DUSP16: variants seen among roughly 807,000 people sequenced by gnomAD.
The protein encoded by DUSP16 is dual specificity phosphatase 16.
Under a neutral mutation model 58.3 loss-of-function variants are expected in DUSP16, and 21 were observed. The observed-to-expected ratio is 0.36, with a 90% CI of 0.26 to 0.52. The LOEUF (loss-of-function observed/expected upper bound fraction) is 0.52, where lower values mean the gene tolerates loss of function less well. Ranked by LOEUF, DUSP16 falls within the 20% of genes least tolerant of loss-of-function variation. The pLI is 0.94. For missense variants in DUSP16, 726 were observed against 819.0 expected, an observed-to-expected ratio of 0.89 and a Z score of 1.39; for synonymous variants, 320 against 323.8, an observed-to-expected ratio of 0.99 and a Z score of 0.12.
At position 12,476,958 on chromosome 12, in the gene DUSP16, G is replaced by A. The variant is rs532656810; in HGVS notation, c.1873C>T (p.Arg625Cys). 3.0e-5 allele frequency: 49 copies of A among 1,614,018 alleles called. No individual in the cohort carries two copies. Among genetic ancestry groups the A allele is most frequent in the Middle Eastern group, 1.6e-4 (1 of 6,084 alleles). The part of the protein sequence containing the change: ...EESPFEKQFK[R>C]RSCQMEFGES... ...CCAAATTCCATTTGGCAGCTTCTGC[G>A]TTTAAACTGCTTTTCAAAGGGGCTC... The change falls in exon 7 of 7, where the codon CGC (arginine) becomes TGC (cysteine). Residue 625 changes from arginine (R) to cysteine (C), a missense_variant. Coordinates refer to ENST00000298573, the MANE Select transcript of DUSP16 (RefSeq NM_030640.3).
At chr12:12,513,890 G>A (rs1414144455) in intron 3 of DUSP16, among the ~76,000 whole-genome samples, 2 of 152,044 alleles carry the variant, frequency 1.3e-5, no homozygotes, top group Non-Finnish European at 2.9e-5. Context: ...CTTAGAAATA[G>A]ACAAGTAGAA....
At chr12:12,486,895 C>T (rs1486322904) in intron 5 of DUSP16, 133 bp downstream of exon 5, 22 of 1,012,990 alleles carry the variant, frequency 2.2e-5, no homozygotes, top group Admixed American at 4.3e-5. Context: ...AGCTGCACCA[C>T]GTGCTGTTTT....
intron 3 of DUSP16, chr12:12,505,993 C>T (rs1211511112): frequency 6.6e-6 from 1 of 152,202 alleles, no homozygotes; most frequent in African/African-American, 2.4e-5. Context: ...GAAAACCCTA[C>T]CTCAGCCAGA....
At chr12:12,500,797 A>G in intron 3 of DUSP16, 115 bp from the exon 4 acceptor site, 1 of 931,956 alleles carries the variant, frequency 1.1e-6, no homozygotes, top group East Asian at 3.0e-5. Flanking sequence ...ATATCACTGC[A>G]CACCTATTCC....
chr12:12,552,833 T>G (rs1197245994), intron 1 of DUSP16, among the ~76,000 whole-genome samples: 2 of 152,126 alleles, frequency 1.3e-5, no homozygotes, highest in South Asian at 4.1e-4. Context: ...CAGGCTGGAG[T>G]GCAATGGCAG....
At chr12:12,558,459 G>A (rs1403618010) in intron 1 of DUSP16, among the ~76,000 whole-genome samples, 2 of 151,188 alleles carry the variant, frequency 1.3e-5, no homozygotes, top group Middle Eastern at 3.4e-3. Context: ...ATAGCTCACT[G>A]CAGCCTTGAC....
chr12:12,531,307 A>C (rs984261386), intron 1 of DUSP16, among the ~76,000 whole-genome samples: 5 of 152,240 alleles, frequency 3.3e-5, no homozygotes, highest in Non-Finnish European at 2.9e-5. Context: ...ATATTCCATA[A>C]TTTAATCTAT....
Position 12,562,128 on chromosome 12 carries a change from C to G in DUSP16, c.-377G>C, listed in dbSNP as rs1481446771. 2 of 151,746 alleles carry G rather than the reference C, an allele frequency of 1.3e-5. No homozygotes were observed. The highest frequency in any genetic ancestry group is 1.3e-4 in the Admixed American group (2 of 15,256). The allele number at this position is 151,746 out of a possible 1,614,324, so 9.4% of individuals were successfully genotyped here. ...CCAAGGCCACTTACTTTTGGGGCCG[C>G]CGACCTCCCAATTCCCTCAGAGGGA... On this transcript the variant is annotated 5_prime_UTR_variant, in exon 1 of 7. Transcript: ENST00000298573.
chr12:12,497,164 C>T (rs983737901), intron 4 of DUSP16, among the ~76,000 whole-genome samples: 10 of 152,182 alleles, frequency 6.6e-5, no homozygotes, highest in African/African-American at 2.4e-4. Context: ...TTTAGATATA[C>T]TAGGTTAAAT....
chr12:12,538,814 T>C (rs1226435428), intron 1 of DUSP16, among the ~76,000 whole-genome samples: 1 of 152,126 alleles, frequency 6.6e-6, no homozygotes, highest in Non-Finnish European at 1.5e-5. Context: ...ACCATGAAAA[T>C]ACAGTAAGAC....
intron 4 of DUSP16, among the ~76,000 whole-genome samples, chr12:12,498,494 A>G (rs1200168955): frequency 6.6e-6 from 1 of 151,780 alleles, no homozygotes; most frequent in East Asian, 1.9e-4. Flanking sequence ...GGCTCAGTGC[A>G]GCCTCTGCCT....
intron 1 of DUSP16, among the ~76,000 whole-genome samples, chr12:12,537,670 A>G (rs1253071896): frequency 1.3e-5 from 2 of 152,364 alleles, no homozygotes; most frequent in East Asian, 3.9e-4. Flanking sequence ...AAAGCTCCAC[A>G]GTCTAATTCT....
intron 3 of DUSP16, among the ~76,000 whole-genome samples, chr12:12,505,891 A>G (rs1667409444): frequency 6.6e-6 from 1 of 152,234 alleles, no homozygotes; most frequent in Admixed American, 6.5e-5. Context: ...ACAAATATTT[A>G]AAAATATTTA....
chr12:12,482,181 T>A (rs1943582095), intron 5 of DUSP16, among the ~76,000 whole-genome samples: 1 of 152,176 alleles, frequency 6.6e-6, no homozygotes, highest in South Asian at 2.1e-4. Flanking sequence ...CCTAGAAGGA[T>A]CTTGCTTGCT....
At chr12:12,484,663 CA>C (rs1943644056) in intron 5 of DUSP16, among the ~76,000 whole-genome samples, 1 of 152,026 alleles carries the variant, frequency 6.6e-6, no homozygotes, top group Admixed American at 6.6e-5. Context: ...ACTCTGTTGC[CA>C]AGGCTGGAGT....
At position 12,487,113 on chromosome 12, in the gene DUSP16, G is replaced by A. The variant is rs189393014; in HGVS notation, c.606C>T (p.Pro202=). The A allele has an allele frequency of 9.2e-5, 149 of 1,614,108 alleles. No homozygotes were observed. Among genetic ancestry groups the A allele is most frequent in the Non-Finnish European group, 1.2e-4 (143 of 1,180,002 alleles). ...SNTCPKPDFI[P]ESHFLRVPVN... is the part of the protein sequence containing the mutation. ...CAGGCACACGCAGGAAATGAGACTC[G>A]GGGATAAAGTCAGGCTTTGGACAGG... Residue 202 remains proline, a synonymous_variant, in exon 5 of 7, where the codon CCC becomes CCT. Coordinates refer to ENST00000298573, the MANE Select transcript of DUSP16 (RefSeq NM_030640.3).
intron 1 of DUSP16, among the ~76,000 whole-genome samples, chr12:12,548,383 C>A (rs1378458603): frequency 2.0e-5 from 3 of 152,128 alleles, no homozygotes; most frequent in Admixed American, 6.5e-5. Flanking sequence ...TGCCTGTAAT[C>A]CCAGCACTTT....
intron 5 of DUSP16, among the ~76,000 whole-genome samples, chr12:12,482,570 T>C (rs1943592780): frequency 6.6e-6 from 1 of 152,054 alleles, no homozygotes; most frequent in African/African-American, 2.4e-5. Context: ...AGAAGGGAAA[T>C]GTGTGCGAGA....
chr12:12,553,434 G>A (rs1200382275), intron 1 of DUSP16, among the ~76,000 whole-genome samples: 3 of 152,194 alleles, frequency 2.0e-5, no homozygotes, highest in Non-Finnish European at 2.9e-5. Flanking sequence ...GGTAACTCAT[G>A]TCTTCCAAGG....
Sources: gnomAD v4.1 joint callset for allele counts (sites outside exome capture counted in the v4.1 genomes callset) on GRCh38, gnomAD v4.1.1 for gene constraint, MANE v1.5 for transcripts, NCBI Gene and HGNC (gene_info 2026-07-23, HGNC 2026-07-21) for gene names.